The following PKIB variants were observed in gnomAD, a reference collection of about 807,000 sequenced individuals.
The protein encoded by PKIB is PKI-beta.
Under a neutral mutation model 4.5 loss-of-function variants are expected in PKIB, and 2 were observed. The observed-to-expected ratio is 0.44, with a 90% CI of 0.18 to 1.39. The LOEUF (loss-of-function observed/expected upper bound fraction) is 1.39. PKIB is among the 40% of genes most tolerant of loss of function. The probability of loss-of-function intolerance (pLI) is 0.27; values close to 1 mark genes in which losing one functional copy is unlikely to be tolerated. For synonymous variants in PKIB, 38 were observed against 36.0 expected (o/e 1.06, Z -0.20); for missense variants, 94 against 92.6 (o/e 1.02, Z -0.06).
At chr6:122,711,907 A>G (rs902427239) in intron 3 of PKIB, among the ~76,000 whole-genome samples, 2 of 152,206 alleles carry the variant, frequency 1.3e-5, no homozygotes, top group Non-Finnish European at 2.9e-5. Flanking sequence ...TGTCTATGCA[A>G]TTAGCAAGCA....
At chr6:122,494,920 C>T (rs1259450202) in intron 2 of PKIB, among the ~76,000 whole-genome samples, 1 of 152,210 alleles carries the variant, frequency 6.6e-6, no homozygotes, top group Non-Finnish European at 1.5e-5. Context: ...CTCCTCCAGG[C>T]CAATACAGAG....
chr6:122,562,894 T>C (rs1773075629), intron 2 of PKIB, among the ~76,000 whole-genome samples: 1 of 152,158 alleles, frequency 6.6e-6, no homozygotes, highest in Non-Finnish European at 1.5e-5. Flanking sequence ...TTTCCTTGCA[T>C]TGGGCTTCAC....
chr6:122,472,088 A>G (rs1775320082), intron 1 of PKIB: 2 of 337,944 alleles, frequency 5.9e-6, no homozygotes, highest in Non-Finnish European at 1.1e-5. Flanking sequence ...GCATTTGGGC[A>G]TTAGTAGAGA....
At chr6:122,684,145 G>A (rs1211629136) in intron 3 of PKIB, among the ~76,000 whole-genome samples, 2 of 152,154 alleles carry the variant, frequency 1.3e-5, no homozygotes, top group East Asian at 3.9e-4. Context: ...CAGATTTGTA[G>A]AAGCCAAGAG....
intron 2 of PKIB, among the ~76,000 whole-genome samples, chr6:122,520,082 T>C (rs1776888848): frequency 6.6e-6 from 1 of 152,212 alleles, no homozygotes; most frequent in African/African-American, 2.4e-5. Flanking sequence ...CAGGCATCAA[T>C]TCCCAGAAGC....
At chr6:122,645,485 G>T (rs1582770916) in intron 2 of PKIB, among the ~76,000 whole-genome samples, 1 of 152,234 alleles carries the variant, frequency 6.6e-6, no homozygotes, top group East Asian at 1.9e-4. Flanking sequence ...ACTAGGACCA[G>T]CAAGGTGCAG....
At chr6:122,645,971 C>CT (rs34314243) in intron 2 of PKIB, among the ~76,000 whole-genome samples, 117 of 148,242 alleles carry the variant, frequency 7.9e-4, no homozygotes, top group South Asian at 2.6e-3. Flanking sequence ...TCAGCCTTGC[C>CT]TTTTTTTTTT....
At chr6:122,487,063 C>T (rs1775789216) in intron 2 of PKIB, among the ~76,000 whole-genome samples, 1 of 152,130 alleles carries the variant, frequency 6.6e-6, no homozygotes. Flanking sequence ...TGCATAACCA[C>T]AATGTACCAA....
intron 3 of PKIB, among the ~76,000 whole-genome samples, chr6:122,712,631 T>C (rs185871774): frequency 1.3e-5 from 2 of 152,294 alleles, no homozygotes; most frequent in East Asian, 3.9e-4. Flanking sequence ...TGTTATTTTG[T>C]GTTTTTTCAG....
intron 2 of PKIB, among the ~76,000 whole-genome samples, chr6:122,672,132 CT>C (rs1383903636): frequency 1.3e-5 from 2 of 152,122 alleles, no homozygotes; most frequent in Admixed American, 1.3e-4. Flanking sequence ...GAAAAGGCTG[CT>C]CTTGTTCCAT....
chr6:122,565,133 C>G lies in PKIB; in HGVS notation c.-247-20788C>G, dbSNP rs548425087. ...AAGTGATAACTAATTCTCCTCATAT[C>G]TCTAGGTAGCAGGACAGGGAATTTT... On this transcript the variant is annotated intron_variant, in intron 2 of 6. Transcript: ENST00000392491. Among the ~76,000 whole-genome samples the G allele has an allele frequency of 2.0e-4, 31 of 152,302 alleles. No homozygotes were observed. The South Asian group carries it at 6.4e-3, about 32-fold the overall frequency.
chr6:122,607,342 AAAAC>A (rs1308841938), upstream of PKIB, among the ~76,000 whole-genome samples: 1 of 151,906 alleles, frequency 6.6e-6, no homozygotes, highest in Non-Finnish European at 1.5e-5. Context: ...ACAAAACAAA[AAAAC>A]AAAACAAAAA....
chr6:122,666,913 T>C (rs1239637350), intron 2 of PKIB, among the ~76,000 whole-genome samples: 1 of 152,128 alleles, frequency 6.6e-6, no homozygotes, highest in Non-Finnish European at 1.5e-5. Context: ...GGTTCGATTA[T>C]AACCTCAAGC....
At chr6:122,496,926 C>T (rs1267486280) in intron 2 of PKIB, among the ~76,000 whole-genome samples, 1 of 152,074 alleles carries the variant, frequency 6.6e-6, no homozygotes, top group African/African-American at 2.4e-5. Context: ...ATATAGTCAC[C>T]AGACTGCCTA....
At chr6:122,703,474 A>G (rs868331073) in intron 3 of PKIB, among the ~76,000 whole-genome samples, 9 of 152,146 alleles carry the variant, frequency 5.9e-5, no homozygotes, top group Admixed American at 4.6e-4. Context: ...ACATTCCTTT[A>G]TTATTTTTAC....
chr6:122,665,985 C>T lies in PKIB; in HGVS notation c.-75-9093C>T, dbSNP rs1397873661. On this transcript the variant is annotated intron_variant, in intron 2 of 4. Transcript: ENST00000368452. ...ACTAAGTACTTTTCGGACATTGTCT[C>T]ATTTAATCTTCACAACATCCTGTGA... Among the ~76,000 whole-genome samples, 6 of 152,180 alleles carry T rather than the reference C, an allele frequency of 3.9e-5. No individual in the cohort carries two copies. In the East Asian group the frequency reaches 1.2e-3, roughly 29 times the overall value.
At chr6:122,523,092 A>G (rs1776992363) in intron 2 of PKIB, among the ~76,000 whole-genome samples, 1 of 152,198 alleles carries the variant, frequency 6.6e-6, no homozygotes, top group Non-Finnish European at 1.5e-5. Context: ...TTCAGTTTTC[A>G]CTATTAAGTA....
chr6:122,616,467 C>A (rs9320884), intron 1 of PKIB, among the ~76,000 whole-genome samples: 92,640 of 151,932 alleles, frequency 0.61, 29,544 homozygotes, highest in Non-Finnish European at 0.72. Context: ...ATGGAGGAGA[C>A]GGTTCGGTAT....
intron 3 of PKIB, among the ~76,000 whole-genome samples, chr6:122,678,975 G>A (rs1445127247): frequency 6.6e-6 from 1 of 152,190 alleles, no homozygotes; most frequent in South Asian, 2.1e-4. Context: ...AACACGTGGC[G>A]GGAGGCCTGT....
Sources: gnomAD v4.1 joint callset for allele counts (sites outside exome capture counted in the v4.1 genomes callset) on GRCh38, gnomAD v4.1.1 for gene constraint, MANE v1.5 for transcripts, NCBI Gene and HGNC (gene_info 2026-07-23, HGNC 2026-07-21) for gene names.